Variants in TAF8 observed in about 807,000 individuals in gnomAD.
TAF8 encodes transcription initiation factor TFIID subunit 8.
TAF8 carries 47 observed loss-of-function variants against 36.5 expected under a neutral mutation model. That is an observed-to-expected ratio of 1.29 (90% CI 1.02 to 1.64). TAF8 has a LOEUF of 1.64. Ranked by LOEUF, TAF8 falls within the 40% of genes most tolerant of loss-of-function variation. The pLI, the probability that TAF8 is intolerant of heterozygous loss-of-function variation, is 0.00. For missense variants in TAF8, 420 were observed against 407.6 expected (o/e 1.03, Z -0.26); for synonymous variants, 175 against 159.5 (o/e 1.10, Z -0.73).
At chr6:42,086,704 C>T (rs1173153516), downstream of TAF8, 2 of 1,551,034 alleles carry the variant, frequency 1.3e-6, no homozygotes, top group Non-Finnish European at 1.7e-6. Context: ...GTTTTTTTCA[C>T]CCTACGTTCC....
At chr6:42,065,323 G>T (rs1765324907) in intron 5 of TAF8, among the ~76,000 whole-genome samples, 1 of 152,142 alleles carries the variant, frequency 6.6e-6, no homozygotes, top group Admixed American at 6.5e-5. Context: ...TCCAGCCTGG[G>T]TGACAGAGCA....
At chr6:42,063,579 TC>T (rs1765256288) in intron 5 of TAF8, 1 of 152,218 alleles carries the variant, frequency 6.6e-6, no homozygotes, top group South Asian at 2.1e-4. Context: ...TTTTTTGAAA[TC>T]ATAGGGTTTT....
rs1269043374 is a variant in TAF8 at position 42,068,654 on chromosome 6, C to T, written c.780+47C>T. The T allele has an allele frequency of 3.1e-6, 5 of 1,602,422 alleles. No individual in the cohort carries two copies. The Admixed American group carries it at 6.7e-5, about 21-fold the overall frequency. On this transcript the variant is annotated intron_variant, in intron 7 of 8. Transcript: ENST00000372977. ...CCTCAGAGTATCCCCCAAACTGTCG[C>T]ACACTGCCCTCAGTCTGTCACCCTG...
rs574860957 is a variant in TAF8, at chr6:42,082,088, T to C, written c.*4543T>C. 7 of 152,350 alleles carry C rather than the reference T, an allele frequency of 4.6e-5. No homozygotes were observed. Among genetic ancestry groups the C allele is most frequent in the African/African-American group, 1.4e-4 (6 of 41,566 alleles). The allele number at this position is 152,350 out of a possible 1,614,324, so 9.4% of individuals were successfully genotyped here. Reference sequence around the variant, plus strand: ...TACAATGCATAGAGCTTATTTAGTTTTCACCATGTGCACGTGTGTGTTATG... The same window carrying C: ...TACAATGCATAGAGCTTATTTAGTTCTCACCATGTGCACGTGTGTGTTATG... On this transcript the variant is annotated 3_prime_UTR_variant, in exon 9 of 9. Transcript: ENST00000372977.
At chr6:42,072,884 G>A (rs948231317) in intron 7 of TAF8, among the ~76,000 whole-genome samples, 18 of 151,912 alleles carry the variant, frequency 1.2e-4, no homozygotes, top group South Asian at 4.2e-4. Context: ...CACCACGCCC[G>A]GCTAATTTTT....
At chr6:42,053,725 AT>A (rs1467495249) in intron 2 of TAF8, among the ~76,000 whole-genome samples, 2 of 152,196 alleles carry the variant, frequency 1.3e-5, no homozygotes, top group Non-Finnish European at 2.9e-5. Flanking sequence ...TAACAACTTA[AT>A]TTTATTATGA....
rs942962178 is a variant in TAF8, at chr6:42,058,178, A to G, written c.489+665A>G. ...GCAGATGGATCACCTGAGGTCAGGA[A>G]TTCAAGACCAGCCTGGCCAACACAG... On this transcript the variant is annotated intron_variant, in intron 5 of 8. Transcript: ENST00000372977. Among the ~76,000 whole-genome samples, 6 of 152,090 alleles carry G rather than the reference A, an allele frequency of 3.9e-5. No individual in the cohort carries two copies. The East Asian group carries it at 1.2e-3, about 29-fold the overall frequency.
chr6:42,056,101 G>A, intron 4 of TAF8, 87 bp downstream of exon 4: 1 of 877,106 alleles, frequency 1.1e-6, no homozygotes, highest in South Asian at 1.4e-5. Flanking sequence ...GATTGGATTA[G>A]TAGCTACTTC....
downstream of TAF8, among the ~76,000 whole-genome samples, chr6:42,083,729 C>T (rs1294292094): frequency 6.6e-6 from 1 of 152,136 alleles, no homozygotes; most frequent in Non-Finnish European, 1.5e-5. Context: ...AACACAATCT[C>T]TTTCTGGGCT....
At chr6:42,054,947 G>A (rs1370330641) in intron 2 of TAF8, among the ~76,000 whole-genome samples, 3 of 86,434 alleles carry the variant, frequency 3.5e-5, no homozygotes, top group African/African-American at 9.2e-5. Flanking sequence ...TTTTTTTTTT[G>A]AGAAGGAGTT....
At chr6:42,052,856 G>A (rs573707280) in intron 2 of TAF8, among the ~76,000 whole-genome samples, 175 of 152,140 alleles carry the variant, frequency 1.2e-3, no homozygotes, top group African/African-American at 4.1e-3. Flanking sequence ...ATAAAGAAGT[G>A]GACAACTTAG....
At chr6:42,073,942 T>G (rs907478808) in intron 7 of TAF8, among the ~76,000 whole-genome samples, 1 of 151,980 alleles carries the variant, frequency 6.6e-6, no homozygotes, top group African/African-American at 2.4e-5. Context: ...TGCCTGAATT[T>G]TGAAGGTAAG....
intron 6 of TAF8, 55 bp from the exon 7 acceptor site, chr6:42,068,410 G>A: frequency 6.2e-7 from 1 of 1,607,502 alleles, no homozygotes; most frequent in Non-Finnish European, 8.5e-7. Flanking sequence ...AGGACTCTAA[G>A]CCAGCTGCGA....
At chr6:42,058,676 C>T (rs971162176) in intron 5 of TAF8, among the ~76,000 whole-genome samples, 25 of 152,268 alleles carry the variant, frequency 1.6e-4, no homozygotes, top group African/African-American at 5.5e-4. Context: ...TGCCCTTGCC[C>T]TTGGTCAGAT....
downstream of TAF8, chr6:42,086,710 G>A (rs187393933): frequency 3.3e-4 from 519 of 1,551,060 alleles, 1 homozygote; most frequent in East Asian, 6.6e-4. Context: ...TTCACCCTAC[G>A]TTCCTCAGGC....
chr6:42,054,472 A>G (rs937267480), intron 2 of TAF8, among the ~76,000 whole-genome samples: 37 of 152,154 alleles, frequency 2.4e-4, no homozygotes, highest in African/African-American at 8.2e-4. Context: ...CCCATAAACA[A>G]TAACTCCCCA....
rs570858414 is a variant in TAF8 at position 42,050,759 on chromosome 6, C to T, written c.45+173C>T. On this transcript the variant is annotated intron_variant, in intron 1 of 8. Coordinates refer to ENST00000372977, the MANE Select transcript of TAF8 (RefSeq NM_138572.3). ...CTCCTTGGGACTTGGCTGCGGCCTC[C>T]GGAGTTGGCGGACCTGTGTCTTGAT... The T allele has an allele frequency of 4.2e-6, 4 of 955,226 alleles. No individual in the cohort carries two copies. The African/African-American group carries it at 5.1e-5, about 12-fold the overall frequency. 59.2% of individuals were successfully genotyped at this position (955,226 alleles called of 1,614,324 possible). A position where few individuals can be genotyped will look rare whatever the true frequency, so the allele number is the denominator to read the frequency against.
At chr6:42,086,983 G>A, downstream of TAF8, 2 of 595,372 alleles carry the variant, frequency 3.4e-6, no homozygotes, top group South Asian at 2.0e-5. Flanking sequence ...AAGAAGTGCA[G>A]GGCGAGTTCT....
At position 42,080,636 on chromosome 6, in the gene TAF8, A is replaced by G. The variant is rs970329121; in HGVS notation, c.*3091A>G. The G allele has an allele frequency of 7.7e-5, 72 of 939,316 alleles. No individual in the cohort carries two copies. Among genetic ancestry groups the G allele is most frequent in the African/African-American group, 8.9e-5 (5 of 56,218 alleles). 58.2% of individuals were successfully genotyped at this position (939,316 alleles called of 1,614,324 possible). On this transcript the variant is annotated 3_prime_UTR_variant, in exon 9 of 9. Coordinates refer to ENST00000372977, the MANE Select transcript of TAF8 (RefSeq NM_138572.3). ...GATGATCCACCCACCTCGGCCTCCC[A>G]GTGTGGGTGGGATTACAGGCATGAG...
Sources: allele counts gnomAD v4.1 joint callset (sites outside exome capture counted in the v4.1 genomes callset), GRCh38; gene constraint gnomAD v4.1.1; transcripts MANE v1.5; gene names NCBI Gene and HGNC (gene_info 2026-07-23, HGNC 2026-07-21).